PTPRS: variants seen among roughly 807,000 people sequenced by gnomAD.
PTPRS encodes protein tyrosine phosphatase receptor type S, also known as receptor-type tyrosine-protein phosphatase S.
In PTPRS, 63 loss-of-function variants were observed where a neutral mutation model predicts 215.3. The observed-to-expected ratio is 0.29, with a 90% CI of 0.24 to 0.36. PTPRS has a LOEUF of 0.36. PTPRS is among the 10% of genes least tolerant of loss of function. PTPRS has a pLI of 1.00. For synonymous variants in PTPRS, 1,404 were observed against 1,191.4 expected (o/e 1.18, Z -3.68); for missense variants, 2,258 against 2,825.8 (o/e 0.80, Z 4.56).
At chr19:5,219,244 T>C (rs2041761104) in intron 23 of PTPRS, 66 bp downstream of exon 23, 8 of 1,584,146 alleles carry the variant, frequency 5.1e-6, no homozygotes, top group Non-Finnish European at 8.7e-7. Flanking sequence ...CTGAGACAAC[T>C]CCTCCCTCCT....
intron 13 of PTPRS, among the ~76,000 whole-genome samples, chr19:5,234,685 C>T (rs1473398081): frequency 6.6e-6 from 1 of 152,144 alleles, no homozygotes; most frequent in Non-Finnish European, 1.5e-5. Context: ...CTACTGCGTG[C>T]CAGGCACTGT....
rs150297565 is a variant in PTPRS at position 5,221,071 on chromosome 19, G to A, written c.3384C>T (p.Val1128=). ...AGCCGTCAGCATCAGGCTTGGGGGC[G>A]ACGCTGGGCTTGCCGTTGAGCAGGT... ...AFNLLNGKPS[V]APKPDADGFI... Residue 1128 remains valine, a synonymous_variant, in exon 20 of 38, where the codon GTC becomes GTT. Transcript: ENST00000262963. The A allele has an allele frequency of 3.1e-5, 50 of 1,613,786 alleles. 2 individuals carry two copies. The highest frequency in any genetic ancestry group is 1.3e-4 in the South Asian group (12 of 91,072).
At chr19:5,297,531 AAAAC>A (rs1021011870) in intron 1 of PTPRS, among the ~76,000 whole-genome samples, 1 of 152,134 alleles carries the variant, frequency 6.6e-6, no homozygotes, top group Non-Finnish European at 1.5e-5. Context: ...CACCCACAGA[AAAAC>A]AAACACTGTC....
intron 14 of PTPRS, among the ~76,000 whole-genome samples, chr19:5,230,086 G>A (rs1210320966): frequency 6.6e-6 from 1 of 152,160 alleles, no homozygotes. Flanking sequence ...AAGAGGCAAA[G>A]CCAGGATTTG....
rs920224665 is a variant in PTPRS at position 5,307,963 on chromosome 19, G to C, written c.-94-21729C>G. Among the ~76,000 whole-genome samples the C allele has an allele frequency of 5.3e-5, 8 of 152,240 alleles. No homozygotes were observed. The East Asian group carries it at 1.5e-3, about 29-fold the overall frequency. ...AGTAGTAGACAGAGATCATCCGGCCGGCAAAGCTGGAAAGATTTACAAGGT... is the reference window on the plus strand; with the variant it reads ...AGTAGTAGACAGAGATCATCCGGCCCGCAAAGCTGGAAAGATTTACAAGGT... On this transcript the variant is annotated intron_variant, in intron 1 of 37. Coordinates refer to ENST00000262963, the MANE Select transcript of PTPRS (RefSeq NM_002850.4).
chr19:5,315,949 C>T (rs1044889405), intron 1 of PTPRS, among the ~76,000 whole-genome samples: 1 of 149,386 alleles, frequency 6.7e-6, no homozygotes, highest in African/African-American at 2.5e-5. Context: ...AAAAAATTTG[C>T]ACAGATCTGG....
intron 1 of PTPRS, among the ~76,000 whole-genome samples, chr19:5,340,016 C>G (rs922253632): frequency 2.0e-5 from 3 of 152,014 alleles, no homozygotes; most frequent in East Asian, 3.9e-4. Context: ...GGCGACCTCC[C>G]ATAAGGCAAC....
intron 1 of PTPRS, among the ~76,000 whole-genome samples, chr19:5,320,536 C>T (rs1230039506): frequency 6.6e-6 from 1 of 152,192 alleles, no homozygotes; most frequent in Non-Finnish European, 1.5e-5. Flanking sequence ...ATTCTCCTGC[C>T]TCAGCCTCCC....
intron 12 of PTPRS, 50 bp from the exon 13 acceptor site, chr19:5,239,113 G>C (rs757548702): frequency 1.3e-5 from 18 of 1,437,054 alleles, no homozygotes; most frequent in South Asian, 8.7e-5. Context: ...GAGAGAGAGA[G>C]AGACAGAAAC....
At chr19:5,236,482 T>A (rs908838285) in intron 13 of PTPRS, among the ~76,000 whole-genome samples, 7 of 152,122 alleles carry the variant, frequency 4.6e-5, no homozygotes, top group Non-Finnish European at 1.0e-4. Context: ...AGAATCTACG[T>A]CCCCTGGAGG....
intron 5 of PTPRS, among the ~76,000 whole-genome samples, chr19:5,263,293 G>A (rs1460009723): frequency 1.3e-5 from 2 of 152,104 alleles, no homozygotes; most frequent in African/African-American, 4.8e-5. Context: ...GGAGATAGGA[G>A]GCGATTTGTC....
At chr19:5,292,365 AGGGTGGG>A (rs1048560358) in intron 1 of PTPRS, among the ~76,000 whole-genome samples, 6 of 152,136 alleles carry the variant, frequency 3.9e-5, no homozygotes, top group African/African-American at 1.2e-4. Flanking sequence ...AGAGACTTAA[AGGGTGGG>A]GGTGAGGCTC....
intron 2 of PTPRS, among the ~76,000 whole-genome samples, chr19:5,282,594 A>G (rs1023141884): frequency 6.6e-6 from 1 of 152,038 alleles, no homozygotes; most frequent in Non-Finnish European, 1.5e-5. Context: ...CCTGAGGTCA[A>G]GAGTTCAAGA....
chr19:5,258,111 T>C lies in PTPRS; in HGVS notation c.612A>G (p.Glu204=), dbSNP rs1471418855. The C allele has an allele frequency of 1.9e-6, 3 of 1,614,116 alleles. No homozygotes were observed. Among genetic ancestry groups the C allele is most frequent in the Non-Finnish European group, 2.5e-6 (3 of 1,179,968 alleles). The change falls in exon 8 of 38, where the codon GAA becomes GAG. Residue 204 remains glutamate, a synonymous_variant. Coordinates refer to ENST00000262963, the MANE Select transcript of PTPRS (RefSeq NM_002850.4). ...TGCCCTGGTCGGTTTCCTCACTGCT[T>C]TCAATCTGCAGGGCTCCTGTGGGAA... is the stretch of plus-strand genomic sequence containing the variant. The part of the protein sequence containing the change: ...STPIRGALQI[E]SSEETDQGKY...
At chr19:5,214,525 G>A (rs1389954229) in intron 29 of PTPRS, 36 bp downstream of exon 29, 1 of 1,612,282 alleles carries the variant, frequency 6.2e-7, no homozygotes, top group Admixed American at 1.7e-5. Context: ...CAGGCTGACT[G>A]GCAGGGGCTT....
intron 1 of PTPRS, among the ~76,000 whole-genome samples, chr19:5,303,095 GACA>G (rs2049356935): frequency 1.3e-5 from 2 of 151,810 alleles, no homozygotes; most frequent in Non-Finnish European, 2.9e-5. Flanking sequence ...AACAAAAAAA[GACA>G]ACAACAACAA....
Position 5,219,315 on chromosome 19 carries a change from G to A in PTPRS, c.3918C>T (p.Tyr1306=), listed in dbSNP as rs1268358120. The change falls in exon 23 of 38, where the codon TAC becomes TAT. Residue 1306 remains tyrosine, a synonymous_variant. Transcript: ENST00000262963. ...GGGGAGGACATGGGGCTTACTTCTT[G>A]TAGAGCAGGATAGCAATGACAATGC... ...IICIVIAILL[Y]KNKPDSKRKD... The A allele has an allele frequency of 1.2e-6, 2 of 1,614,080 alleles. No homozygotes were observed. The highest frequency in any genetic ancestry group is 2.2e-5 in the East Asian group (1 of 44,882).
intron 9 of PTPRS, among the ~76,000 whole-genome samples, chr19:5,255,293 G>A (rs536416911): frequency 6.2e-4 from 94 of 152,276 alleles, no homozygotes; most frequent in African/African-American, 2.1e-3. Context: ...CACCTCCCTT[G>A]TGCCCTTGTG....
In PTPRS at chr19:5,287,760, G is replaced by T. The variant is rs932682413; in HGVS notation, c.-94-1526C>A. 1.3e-5 allele frequency among the ~76,000 whole-genome samples: 2 copies of T among 152,014 alleles called. No individual in the cohort carries two copies. The highest frequency in any genetic ancestry group is 6.5e-5 in the Admixed American group (1 of 15,272). On this transcript the variant is annotated intron_variant, in intron 1 of 37. Transcript: ENST00000262963. This position sits in a 1 kb window ranked among gnomAD's most constrained non-coding sequence, Gnocchi z 4.8. ...CTAGGGTGACGAACGGGATTCGGGG[G>T]GCCTCAGTGTACATAGTTAGGCCAC...
Sources: allele counts gnomAD v4.1 joint callset (sites outside exome capture counted in the v4.1 genomes callset), GRCh38; gene constraint gnomAD v4.1.1; non-coding constraint Gnocchi (gnomAD v3.1); transcripts MANE v1.5; gene names NCBI Gene and HGNC (gene_info 2026-07-23, HGNC 2026-07-21).